The following EML5 variants were observed in gnomAD, a reference collection of about 807,000 sequenced individuals.
The protein encoded by EML5 is echinoderm microtubule-associated protein-like 5.
EML5 carries 120 observed loss-of-function variants against 250.0 expected under a neutral mutation model. The observed-to-expected ratio is 0.48, with a 90% CI of 0.41 to 0.56. The LOEUF is 0.56. EML5 is among the 20% of genes least tolerant of loss of function. The pLI is 0.00. For synonymous variants in EML5, 771 were observed against 806.5 expected (o/e 0.96, Z 0.75); for missense variants, 2,006 against 2,437.6 (o/e 0.82, Z 3.73).
At chr14:88,750,956 T>TGA (rs1366247748) in intron 2 of EML5, among the ~76,000 whole-genome samples, 1 of 152,254 alleles carries the variant, frequency 6.6e-6, no homozygotes, top group African/African-American at 2.4e-5. Flanking sequence ...TTTCTACTAA[T>TGA]GTCTCCTCTG....
chr14:88,666,982 G>A (rs1292807197), intron 21 of EML5, among the ~76,000 whole-genome samples: 2 of 152,170 alleles, frequency 1.3e-5, no homozygotes, highest in African/African-American at 4.8e-5. Flanking sequence ...GTGATAAGAG[G>A]AAGGATTTGG....
At chr14:88,619,418 T>G (rs756900947) in intron 39 of EML5, 2 of 152,370 alleles carry the variant, frequency 1.3e-5, no homozygotes, top group African/African-American at 2.4e-5. Context: ...GGTCTCACTA[T>G]GGTCCCAAAC....
rs550549722 is a variant in EML5 at position 88,614,768 on chromosome 14, A to G, written c.*1050T>C. 6.6e-6 allele frequency: 1 copy of G among 152,338 alleles called. No individual in the cohort carries two copies. The highest frequency in any genetic ancestry group is 1.5e-5 in the Non-Finnish European group (1 of 68,016). The allele number at this position is 152,338 out of a possible 1,614,324, so 9.4% of individuals were successfully genotyped here. A position where few individuals can be genotyped will look rare whatever the true frequency, so the allele number is the denominator to read the frequency against. The stretch of plus-strand genomic sequence containing the variant: ...GAATTCAGCCCTAATCCACTAAAAA[A>G]AGGAATTCTAACTGACAAGTTTTTA... On this transcript the variant is annotated 3_prime_UTR_variant, in exon 44 of 44. Coordinates refer to ENST00000554922, the MANE Select transcript of EML5 (RefSeq NM_183387.3).
intron 7 of EML5, among the ~76,000 whole-genome samples, chr14:88,727,488 G>C (rs1023545493): frequency 2.8e-5 from 4 of 142,854 alleles, no homozygotes; most frequent in African/African-American, 1.1e-4. Context: ...TGCAACCTCC[G>C]CCTCCCGGGT....
chr14:88,621,032 C>CT, intron 38 of EML5, 81 bp downstream of exon 38: 11 of 1,490,270 alleles, frequency 7.4e-6, no homozygotes, highest in Non-Finnish European at 9.8e-6. Context: ...TCTGGCAGTT[C>CT]TTTAAGTACT....
At chr14:88,773,503 G>GT (rs994766730) in intron 1 of EML5, among the ~76,000 whole-genome samples, 1 of 152,098 alleles carries the variant, frequency 6.6e-6, no homozygotes, top group Non-Finnish European at 1.5e-5. Context: ...AGGTCCTGAG[G>GT]TTTTTTTCAG....
Position 88,615,781 on chromosome 14 carries a change from G to A in EML5, c.*37C>T, listed in dbSNP as rs1210164943. 1 of 1,600,006 alleles carries A rather than the reference G, an allele frequency of 6.2e-7. No individual in the cohort carries two copies. The highest frequency in any genetic ancestry group is 8.5e-7 in the Non-Finnish European group (1 of 1,172,850). ...TTGGTTTTTCTTCTCTGTAATTCTG[G>A]TCTCAAAGTTAATTTCTGTAGTCAT... On this transcript the variant is annotated 3_prime_UTR_variant, in exon 44 of 44. Coordinates refer to ENST00000554922, the MANE Select transcript of EML5 (RefSeq NM_183387.3).
chr14:88,691,912 T>G (rs1595540164), intron 17 of EML5, among the ~76,000 whole-genome samples: 1 of 152,364 alleles, frequency 6.6e-6, no homozygotes, highest in East Asian at 1.9e-4. Flanking sequence ...GAAAGAAAGT[T>G]ATTCATTTGG....
chr14:88,691,075 C>T (rs1019135660), intron 17 of EML5, among the ~76,000 whole-genome samples: 4 of 152,196 alleles, frequency 2.6e-5, no homozygotes, highest in African/African-American at 4.8e-5. Flanking sequence ...AAGCTAGAGA[C>T]TCTGCTAATG....
chr14:88,710,030 G>A (rs2093378451), intron 10 of EML5, among the ~76,000 whole-genome samples: 1 of 152,114 alleles, frequency 6.6e-6, no homozygotes. Context: ...AACAGTGATG[G>A]AGGTGATGGG....
chr14:88,702,763 T>G, intron 13 of EML5, 131 bp from the exon 14 acceptor site: 1 of 641,168 alleles, frequency 1.6e-6, no homozygotes, highest in Non-Finnish European at 2.4e-6. Flanking sequence ...ACTAAACAAT[T>G]TTTTTTCAAG....
intron 7 of EML5, among the ~76,000 whole-genome samples, chr14:88,727,170 G>GT (rs2093678864): frequency 6.6e-6 from 1 of 152,106 alleles, no homozygotes; most frequent in Non-Finnish European, 1.5e-5. Context: ...CCTTAAAAAT[G>GT]TAACACTCAA....
At chr14:88,619,317 A>G (rs1452658928) in intron 39 of EML5, 1 of 152,500 alleles carries the variant, frequency 6.6e-6, no homozygotes. Flanking sequence ...GTGAGCTGAG[A>G]TTGCACCATT....
Position 88,712,431 on chromosome 14 carries a change from T to C in EML5, c.1497A>G (p.Ser499=), listed in dbSNP as rs1486216336. The change falls in exon 10 of 44, where the codon TCA becomes TCG. Residue 499 remains serine (S), a synonymous_variant. Coordinates refer to ENST00000554922, the MANE Select transcript of EML5 (RefSeq NM_183387.3). ...TEEIKGVHWA[S]WTCVSGLEVN... ...CTTCAAGGCCTGAAACACATGTCCA[T>C]GAAGCCCAATGAACACCTTTTATTT... The C allele has an allele frequency of 1.9e-6, 3 of 1,613,562 alleles. No homozygotes were observed. The highest frequency in any genetic ancestry group is 1.7e-6 in the Non-Finnish European group (2 of 1,179,724).
At chr14:88,749,634 GAAGA>G (rs1422170810) in intron 2 of EML5, among the ~76,000 whole-genome samples, 4 of 151,638 alleles carry the variant, frequency 2.6e-5, no homozygotes, top group Non-Finnish European at 1.5e-5. Flanking sequence ...ACCATAAACA[GAAGA>G]AAGGAAACAG....
At chr14:88,627,074 G>C (rs749870664) in intron 34 of EML5, 28 bp from the exon 35 acceptor site, 2 of 1,606,388 alleles carry the variant, frequency 1.2e-6, no homozygotes, top group Non-Finnish European at 1.7e-6. Flanking sequence ...AATTATCTAG[G>C]TTATTACAAG....
At chr14:88,686,764 T>C (rs1003521736) in intron 19 of EML5, among the ~76,000 whole-genome samples, 14 of 152,180 alleles carry the variant, frequency 9.2e-5, no homozygotes, top group African/African-American at 2.9e-4. Flanking sequence ...TGAGTTATGA[T>C]TGCACCACTG....
chr14:88,723,449 C>T (rs1405307816), intron 8 of EML5, among the ~76,000 whole-genome samples: 2 of 152,040 alleles, frequency 1.3e-5, no homozygotes, highest in African/African-American at 4.8e-5. Flanking sequence ...ATTAGGAGTA[C>T]AGGTGGGAAA....
intron 17 of EML5, among the ~76,000 whole-genome samples, chr14:88,688,874 A>G: frequency 6.6e-6 from 1 of 152,322 alleles, no homozygotes; most frequent in African/African-American, 2.4e-5. Flanking sequence ...TCCCTTCTTC[A>G]CGCTTTAGTA....
Sources: gnomAD v4.1 joint callset for allele counts (sites outside exome capture counted in the v4.1 genomes callset) on GRCh38, gnomAD v4.1.1 for gene constraint, MANE v1.5 for transcripts, NCBI Gene and HGNC (gene_info 2026-07-23, HGNC 2026-07-21) for gene names.